The following PDE4D variants were observed in gnomAD, a reference collection of about 807,000 sequenced individuals.
PDE4D encodes phosphodiesterase 4D, also known as 3',5'-cyclic-AMP phosphodiesterase 4D.
In PDE4D, 24 loss-of-function variants were observed where a neutral mutation model predicts 87.4. The observed-to-expected ratio is 0.27, with a 90% CI of 0.20 to 0.39. PDE4D has a LOEUF of 0.39. Among genes scored for constraint, PDE4D ranks in the 10% least tolerant of loss-of-function variants. The probability of loss-of-function intolerance (pLI) is 1.00; values close to 1 mark genes in which losing one functional copy is unlikely to be tolerated. For missense variants in PDE4D, 714 were observed against 1,041.0 expected (o/e 0.69, Z 4.32); for synonymous variants, 384 against 383.2 (o/e 1.00, Z -0.02).
At chr5:58,992,724 A>C (rs1424788050) in intron 7 of PDE4D, among the ~76,000 whole-genome samples, 2 of 152,194 alleles carry the variant, frequency 1.3e-5, no homozygotes, top group African/African-American at 4.8e-5. Flanking sequence ...AGTGATGAGC[A>C]ACTCTAACTC....
At chr5:59,228,185 A>G (rs913340562) in intron 1 of PDE4D, among the ~76,000 whole-genome samples, 5 of 152,304 alleles carry the variant, frequency 3.3e-5, no homozygotes, top group East Asian at 3.9e-4. Context: ...TTTCACTTAT[A>G]AGTGGTAACC....
At chr5:59,691,623 G>GTATTAGTAT (rs1362180506) in intron 1 of PDE4D, among the ~76,000 whole-genome samples, 2 of 151,260 alleles carry the variant, frequency 1.3e-5, no homozygotes, top group African/African-American at 4.9e-5. Context: ...TAATGTAAAT[G>GTATTAGTAT]ACAAGTTAAC....
intron 1 of PDE4D, among the ~76,000 whole-genome samples, chr5:59,760,750 G>A (rs1165104195): frequency 6.6e-6 from 1 of 152,144 alleles, no homozygotes; most frequent in African/African-American, 2.4e-5. Flanking sequence ...AATGGTTAAT[G>A]TTTTCAAAGT....
intron 1 of PDE4D, among the ~76,000 whole-genome samples, chr5:59,506,653 A>G (rs1345552244): frequency 6.6e-6 from 1 of 152,190 alleles, no homozygotes; most frequent in Non-Finnish European, 1.5e-5. Context: ...ATAGTTTCCC[A>G]TACAGAACAC....
At chr5:59,966,661 T>C (rs1760090476) in intron 3 of PDE4D, among the ~76,000 whole-genome samples, 1 of 152,190 alleles carries the variant, frequency 6.6e-6, no homozygotes, top group Admixed American at 6.5e-5. Context: ...GCAAATGTCA[T>C]CTGAGTTTGG....
intron 5 of PDE4D, among the ~76,000 whole-genome samples, chr5:59,177,646 G>A (rs187120630): frequency 3.9e-5 from 6 of 152,142 alleles, no homozygotes; most frequent in African/African-American, 1.4e-4. Context: ...GAGCAACCAC[G>A]TGGTATAATT....
intron 3 of PDE4D, among the ~76,000 whole-genome samples, chr5:59,976,084 A>G (rs1328241666): frequency 6.6e-6 from 1 of 152,212 alleles, no homozygotes; most frequent in Non-Finnish European, 1.5e-5. Context: ...TGCATACCTC[A>G]GTATACAGCA....
intron 5 of PDE4D, among the ~76,000 whole-genome samples, chr5:59,143,529 C>T (rs1296768499): frequency 6.6e-6 from 1 of 152,266 alleles, no homozygotes; most frequent in Non-Finnish European, 1.5e-5. Context: ...ACCACACATC[C>T]ATCTGCAAGC....
At chr5:59,074,671 T>C (rs1054648527) in intron 5 of PDE4D, among the ~76,000 whole-genome samples, 1 of 152,096 alleles carries the variant, frequency 6.6e-6, no homozygotes, top group Non-Finnish European at 1.5e-5. Context: ...GGTGGAAGGA[T>C]TGCTTCAACC....
intron 1 of PDE4D, among the ~76,000 whole-genome samples, chr5:60,465,420 G>T (rs1288615914): frequency 6.6e-6 from 1 of 152,108 alleles, no homozygotes; most frequent in Non-Finnish European, 1.5e-5. Flanking sequence ...GCATAAATTT[G>T]ACATGAAATA....
intron 1 of PDE4D, among the ~76,000 whole-genome samples, chr5:59,491,552 C>A (rs1806183471): frequency 6.6e-6 from 1 of 152,170 alleles, no homozygotes. Context: ...AAAGCTTTCT[C>A]TGTAGTCTCA....
At chr5:59,266,479 C>A (rs1329767603) in intron 1 of PDE4D, among the ~76,000 whole-genome samples, 1 of 151,748 alleles carries the variant, frequency 6.6e-6, no homozygotes, top group Non-Finnish European at 1.5e-5. Context: ...TATGGTGCTA[C>A]TAACTGGTCA....
intron 1 of PDE4D, among the ~76,000 whole-genome samples, chr5:60,468,615 A>G (rs1476555382): frequency 3.3e-5 from 5 of 151,136 alleles, no homozygotes; most frequent in African/African-American, 9.7e-5. Context: ...TCTTGCCTTC[A>G]GTTTTTTTTT....
At chr5:59,178,208 C>T (rs551138966) in intron 5 of PDE4D, among the ~76,000 whole-genome samples, 2 of 152,240 alleles carry the variant, frequency 1.3e-5, no homozygotes, top group South Asian at 4.1e-4. Context: ...TGCCCTCATC[C>T]CTCCATCCCT....
intron 1 of PDE4D, among the ~76,000 whole-genome samples, chr5:59,661,097 T>TATATATATATATATATATATATA (rs1561426172): frequency 1.4e-5 from 2 of 147,794 alleles, no homozygotes; most frequent in African/African-American, 5.0e-5. Flanking sequence ...TATATATATA[T>TATATATATATATATATATATATA]TTTGTCATCT....
At chr5:59,938,971 T>C (rs527268706) in intron 3 of PDE4D, among the ~76,000 whole-genome samples, 1 of 152,340 alleles carries the variant, frequency 6.6e-6, no homozygotes, top group Admixed American at 6.5e-5. Context: ...AGACTAGTTA[T>C]GGCCAATGGA....
At chr5:59,995,614 C>T (rs888444693) in intron 2 of PDE4D, among the ~76,000 whole-genome samples, 4 of 152,228 alleles carry the variant, frequency 2.6e-5, no homozygotes, top group Middle Eastern at 3.4e-3. Context: ...CCACTGCACC[C>T]GGCCGCATTT....
chr5:59,774,738 A>G (rs980193269), intron 1 of PDE4D, among the ~76,000 whole-genome samples: 11 of 139,678 alleles, frequency 7.9e-5, no homozygotes, highest in Admixed American at 3.1e-4. Context: ...TCCAGGCTGG[A>G]GTGCAGTGGT....
chr5:59,883,937 G>A (rs1183255835), intron 1 of PDE4D, among the ~76,000 whole-genome samples: 1 of 151,712 alleles, frequency 6.6e-6, no homozygotes, highest in Non-Finnish European at 1.5e-5. Flanking sequence ...TTTTTTGGGG[G>A]GGTAAGAAAC....
Sources: allele counts gnomAD v4.1 joint callset (sites outside exome capture counted in the v4.1 genomes callset), GRCh38; gene constraint gnomAD v4.1.1; transcripts MANE v1.5; gene names NCBI Gene and HGNC (gene_info 2026-07-23, HGNC 2026-07-21).